CDS2: variants seen among roughly 807,000 people sequenced by gnomAD.
The protein encoded by CDS2 is phosphatidate cytidylyltransferase 2.
A neutral mutation model predicts 59.0 loss-of-function variants in CDS2; 47 were observed. That is an observed-to-expected ratio of 0.80 (90% CI 0.63 to 1.02). The LOEUF (loss-of-function observed/expected upper bound fraction) is 1.02, where lower values mean the gene tolerates loss of function less well. Among genes scored for constraint, CDS2 ranks in the 50% least tolerant of loss-of-function variants. The pLI is 0.00. For synonymous variants in CDS2, 207 were observed against 206.4 expected, an observed-to-expected ratio of 1.00 and a Z score of -0.02; for missense variants, 356 against 558.9, an observed-to-expected ratio of 0.64 and a Z score of 3.66.
chr20:5,136,471 A>T (rs1226148215), intron 1 of CDS2, among the ~76,000 whole-genome samples: 1 of 152,116 alleles, frequency 6.6e-6, no homozygotes, highest in Non-Finnish European at 1.5e-5. Flanking sequence ...ACATTTCAGG[A>T]CTGCAGTATT....
chr20:5,185,880 C>T (rs1052723420), intron 9 of CDS2, 54 bp downstream of exon 9: 19 of 1,514,568 alleles, frequency 1.3e-5, no homozygotes, highest in Admixed American at 5.0e-5. Context: ...GGCCTCATAC[C>T]ACCTTCCAAG....
At chr20:5,177,795 A>G (rs1314127005) in intron 4 of CDS2, among the ~76,000 whole-genome samples, 2 of 152,210 alleles carry the variant, frequency 1.3e-5, no homozygotes, top group Non-Finnish European at 1.5e-5. Flanking sequence ...GCTGCCTCCC[A>G]GCCTCCAGAT....
At chr20:5,130,241 C>A (rs1187882576) in intron 1 of CDS2, among the ~76,000 whole-genome samples, 2 of 151,744 alleles carry the variant, frequency 1.3e-5, no homozygotes, top group Non-Finnish European at 1.5e-5. Context: ...TCCCAAAGTG[C>A]TGGGATTACA....
In CDS2 at chr20:5,186,939, C is replaced by A. The variant is rs528382925; in HGVS notation, c.981+100C>A. On this transcript the variant is annotated intron_variant, in intron 10 of 12. Coordinates refer to ENST00000460006, the MANE Select transcript of CDS2 (RefSeq NM_003818.4). Reference sequence around the variant, plus strand: ...CCCTCTGAAAAAAGCTAGCTTCCTCCTTCCCAAAGCTGTAAGCCCCAGGAT... The same window carrying A: ...CCCTCTGAAAAAAGCTAGCTTCCTCATTCCCAAAGCTGTAAGCCCCAGGAT... The A allele has an allele frequency of 2.6e-3, 3,463 of 1,331,618 alleles. 7 individuals carry two copies. Among genetic ancestry groups the A allele is most frequent in the Admixed American group, 4.4e-3 (248 of 56,132 alleles). The allele number at this position is 1,331,618 out of a possible 1,614,324, so 82.5% of individuals were successfully genotyped here.
chr20:5,144,676 G>C (rs1468584646), intron 1 of CDS2, among the ~76,000 whole-genome samples: 1 of 152,014 alleles, frequency 6.6e-6, no homozygotes, highest in East Asian at 1.9e-4. Context: ...TAAAAATGTT[G>C]AGTAAATTTT....
intron 1 of CDS2, among the ~76,000 whole-genome samples, chr20:5,148,046 A>G (rs1408294749): frequency 6.6e-6 from 1 of 152,082 alleles, no homozygotes; most frequent in Non-Finnish European, 1.5e-5. Flanking sequence ...GCAACCTCTA[A>G]GAGCAGTAAT....
At chr20:5,147,941 T>G (rs75122580) in intron 1 of CDS2, among the ~76,000 whole-genome samples, 1 of 149,562 alleles carries the variant, frequency 6.7e-6, no homozygotes, top group Non-Finnish European at 1.5e-5. Context: ...GCAGTGATTG[T>G]TTTTTTTTGT....
chr20:5,181,219 T>G (rs909497189), intron 5 of CDS2, among the ~76,000 whole-genome samples: 2 of 152,232 alleles, frequency 1.3e-5, no homozygotes, highest in Admixed American at 6.5e-5. Context: ...CACCAATCCC[T>G]CTTGTTTCTT....
intron 1 of CDS2, among the ~76,000 whole-genome samples, chr20:5,133,563 G>C (rs1206951396): frequency 6.6e-6 from 1 of 150,938 alleles, no homozygotes; most frequent in Non-Finnish European, 1.5e-5. Context: ...TTTCGCTGTT[G>C]TTGGCCCAGG....
intron 1 of CDS2, among the ~76,000 whole-genome samples, chr20:5,130,395 A>C (rs150537278): frequency 6.7e-4 from 102 of 152,382 alleles, no homozygotes; most frequent in African/African-American, 2.3e-3. Context: ...AGAAATAATA[A>C]ATTTTAAGGA....
intron 9 of CDS2, among the ~76,000 whole-genome samples, chr20:5,186,180 C>G (rs1464953660): frequency 6.6e-6 from 1 of 152,240 alleles, no homozygotes. Context: ...GGTGATTTTC[C>G]TGCCCTTTCC....
intron 1 of CDS2, among the ~76,000 whole-genome samples, chr20:5,149,777 G>A (rs1198208729): frequency 1.3e-5 from 2 of 151,848 alleles, no homozygotes; most frequent in Admixed American, 6.6e-5. Flanking sequence ...GTGAAGTGGC[G>A]TGATCTTGAC....
At position 5,173,594 on chromosome 20, in the gene CDS2, C is replaced by G; in HGVS notation, c.129C>G (p.Pro43=). ...GTGAGAGCCGGGCAGAATCCGCACC[C>G]CTGCCAGTCTCTGCAGATGATACCC... The part of the protein sequence containing the change: ...SDSESRAESA[P]LPVSADDTPE... The change falls in exon 2 of 13, where the codon CCC becomes CCG. Residue 43 remains proline (P), a synonymous_variant. Coordinates refer to ENST00000460006, the MANE Select transcript of CDS2 (RefSeq NM_003818.4). The G allele has an allele frequency of 6.2e-7, 1 of 1,614,146 alleles. No homozygotes were observed. The highest frequency in any genetic ancestry group is 1.1e-5 in the South Asian group (1 of 91,090).
rs1408551212 is a variant in CDS2, at chr20:5,192,804, T to C, written c.*2570T>C. 4 of 152,242 alleles carry C rather than the reference T, an allele frequency of 2.6e-5. No homozygotes were observed. The highest frequency in any genetic ancestry group is 9.7e-5 in the African/African-American group (4 of 41,448). 9.4% of individuals were successfully genotyped at this position (152,242 alleles called of 1,614,324 possible). On this transcript the variant is annotated 3_prime_UTR_variant, in exon 13 of 13. Transcript: ENST00000460006. ...TGCTTTCCAACTTGTATCCCTACAT[T>C]CTCACAACAGCCTTCTTACCTCGGG...
At chr20:5,129,614 G>T (rs894818228) in intron 1 of CDS2, among the ~76,000 whole-genome samples, 1 of 151,962 alleles carries the variant, frequency 6.6e-6, no homozygotes, top group Admixed American at 6.6e-5. Context: ...GGCTAATGTT[G>T]TATTTTTAGT....
At chr20:5,136,664 T>C (rs1045252370) in intron 1 of CDS2, among the ~76,000 whole-genome samples, 2 of 152,212 alleles carry the variant, frequency 1.3e-5, no homozygotes, top group African/African-American at 4.8e-5. Flanking sequence ...TTGTTCTTTG[T>C]ATCTTTCAGG....
At chr20:5,157,754 G>A (rs2090844336) in intron 1 of CDS2, among the ~76,000 whole-genome samples, 2 of 152,122 alleles carry the variant, frequency 1.3e-5, no homozygotes, top group African/African-American at 4.8e-5. Context: ...TTAATGAGGG[G>A]TTCAGCCTCA....
At chr20:5,136,135 TG>T (rs1478693267) in intron 1 of CDS2, among the ~76,000 whole-genome samples, 2 of 152,098 alleles carry the variant, frequency 1.3e-5, no homozygotes, top group Non-Finnish European at 2.9e-5. Context: ...AACCCCTGAG[TG>T]GGCAACTCTC....
intron 1 of CDS2, among the ~76,000 whole-genome samples, chr20:5,139,833 C>G (rs1018109367): frequency 2.1e-5 from 3 of 144,626 alleles, no homozygotes; most frequent in African/African-American, 7.8e-5. Context: ...GAGTCTCACT[C>G]TATTGCCCAG....
Sources: allele counts gnomAD v4.1 joint callset (sites outside exome capture counted in the v4.1 genomes callset), GRCh38; gene constraint gnomAD v4.1.1; transcripts MANE v1.5; gene names NCBI Gene and HGNC (gene_info 2026-07-23, HGNC 2026-07-21).